PCNX1: variants seen among roughly 807,000 people sequenced by gnomAD.
PCNX1 encodes the protein pecanex 1.
A neutral mutation model predicts 242.2 loss-of-function variants in PCNX1; 78 were observed. The ratio of observed to expected loss-of-function variants is 0.32; its 90% confidence interval spans 0.27 to 0.39. The LOEUF (loss-of-function observed/expected upper bound fraction) is 0.39, where lower values mean the gene tolerates loss of function less well. Ranked by LOEUF, PCNX1 falls within the 10% of genes least tolerant of loss-of-function variation. The probability of loss-of-function intolerance (pLI) is 1.00; values close to 1 mark genes in which losing one functional copy is unlikely to be tolerated. For missense variants in PCNX1, 2,581 were observed against 2,856.5 expected (o/e 0.90, Z 2.20); for synonymous variants, 1,024 against 1,032.9 (o/e 0.99, Z 0.17).
chr14:70,950,806 AT>A (rs1002511111), intron 2 of PCNX1, among the ~76,000 whole-genome samples: 6 of 150,130 alleles, frequency 4.0e-5, no homozygotes, highest in East Asian at 1.9e-4. Context: ...CTATTGGTGG[AT>A]TTTTTTTTGC....
intron 16 of PCNX1, chr14:71,032,027 G>A (rs2060400445): frequency 1.2e-6 from 1 of 862,102 alleles, no homozygotes; most frequent in Non-Finnish European, 2.0e-6. Context: ...CACACAAGGA[G>A]TGGGTTTAAG....
At chr14:70,968,801 T>C (rs998747502) in intron 4 of PCNX1, among the ~76,000 whole-genome samples, 3 of 152,212 alleles carry the variant, frequency 2.0e-5, no homozygotes, top group Non-Finnish European at 2.9e-5. Flanking sequence ...CTTTCCACAT[T>C]GTTTGGTTTG....
chr14:71,086,709 C>T (rs777649847), intron 28 of PCNX1, among the ~76,000 whole-genome samples: 32 of 152,340 alleles, frequency 2.1e-4, no homozygotes, highest in Admixed American at 2.6e-4. Context: ...TCGCCTCCCT[C>T]TCTCAGTAGC....
chr14:71,063,176 G>A lies in PCNX1; in HGVS notation c.4852+5452G>A, dbSNP rs143900920. ...TATTTTTTCTCTAGCCAAAGGGTTG[G>A]CCTACTTATTCTGTTAGGAACCAGA... On this transcript the variant is annotated intron_variant, in intron 26 of 35. Transcript: ENST00000304743. Among the ~76,000 whole-genome samples the A allele has an allele frequency of 3.8e-4, 58 of 152,242 alleles. No individual in the cohort carries two copies. In the East Asian group the frequency reaches 9.6e-3, roughly 25 times the overall value.
intron 2 of PCNX1, among the ~76,000 whole-genome samples, chr14:70,952,394 TTCCTC>T (rs1290941051): frequency 6.6e-6 from 1 of 152,164 alleles, no homozygotes; most frequent in African/African-American, 2.4e-5. Context: ...CTTCATGACA[TTCCTC>T]TCCCATTTCA....
chr14:71,033,986 C>G lies in PCNX1; in HGVS notation c.3724C>G (p.Pro1242Ala). 6.2e-7 allele frequency: 1 copy of G among 1,609,358 alleles called. No homozygotes were observed. Among genetic ancestry groups the G allele is most frequent in the African/African-American group, 1.3e-5 (1 of 74,706 alleles). Residue 1242 changes from proline (P) to alanine (A), a missense_variant, in exon 18 of 36, where the codon CCT becomes GCT. Physicochemically the swap from Pro to Ala is conservative, Grantham distance 27. Coordinates refer to ENST00000304743, the MANE Select transcript of PCNX1 (RefSeq NM_014982.3). ...AACGGAAGAGAAAAATCCAGAAGACCCTCTATCTGAAGTAAAAGATCCACT... is the reference window on the plus strand; with the variant it reads ...AACGGAAGAGAAAAATCCAGAAGACGCTCTATCTGAAGTAAAAGATCCACT... ...PKTEEKNPEDPLSEVKDPLPE... is the reference protein window; with the variant it reads ...PKTEEKNPEDALSEVKDPLPE...
chr14:70,948,950 CAT>C (rs1305586910), intron 2 of PCNX1, among the ~76,000 whole-genome samples: 1 of 146,360 alleles, frequency 6.8e-6, no homozygotes, highest in Non-Finnish European at 1.5e-5. Flanking sequence ...TACATATACA[CAT>C]ACGTATATGT....
intron 10 of PCNX1, 99 bp from the exon 11 acceptor site, chr14:71,012,886 T>C (rs2059862071): frequency 1.2e-6 from 1 of 811,654 alleles, no homozygotes; most frequent in Admixed American, 2.0e-5. Flanking sequence ...GATAAGCTAA[T>C]TGAGTAACTG....
chr14:71,067,254 G>T (rs1029530914), intron 26 of PCNX1, among the ~76,000 whole-genome samples: 1 of 152,080 alleles, frequency 6.6e-6, no homozygotes, highest in Non-Finnish European at 1.5e-5. Flanking sequence ...GACTCTCTTT[G>T]GTTGGTAGGC....
intron 7 of PCNX1, among the ~76,000 whole-genome samples, chr14:70,994,046 A>G (rs1381530984): frequency 2.6e-5 from 4 of 152,204 alleles, no homozygotes; most frequent in African/African-American, 9.6e-5. Flanking sequence ...AAGGACTGAC[A>G]AGTCCACATT....
chr14:70,926,789 C>T (rs1343467325), intron 1 of PCNX1, among the ~76,000 whole-genome samples: 1 of 152,086 alleles, frequency 6.6e-6, no homozygotes, highest in Non-Finnish European at 1.5e-5. Context: ...ATATAAAGTA[C>T]AGATGTACAT....
chr14:70,934,969 A>G (rs139641532), intron 1 of PCNX1, among the ~76,000 whole-genome samples: 248 of 143,982 alleles, frequency 1.7e-3, no homozygotes, highest in African/African-American at 6.1e-3. Flanking sequence ...AGTAGAGAAT[A>G]AGTTTAAACT....
chr14:71,031,324 C>T (rs1323809965), intron 16 of PCNX1, among the ~76,000 whole-genome samples: 1 of 152,188 alleles, frequency 6.6e-6, no homozygotes, highest in Admixed American at 6.5e-5. Context: ...TGTGGGGGAC[C>T]CCAGGCCAAG....
intron 29 of PCNX1, 92 bp from the exon 30 acceptor site, chr14:71,089,100 C>A: frequency 2.1e-6 from 2 of 944,488 alleles, no homozygotes; most frequent in South Asian, 1.7e-5. Context: ...CAAAACACTC[C>A]CAGGTGATTC....
At position 71,033,978 on chromosome 14, in the gene PCNX1, C is replaced by T; in HGVS notation, c.3716C>T (p.Pro1239Leu). 6.2e-7 allele frequency: 1 copy of T among 1,608,620 alleles called. No homozygotes were observed. Among genetic ancestry groups the T allele is most frequent in the East Asian group, 2.2e-5 (1 of 44,648 alleles). Residue 1239 changes from proline (P) to leucine (L), a missense_variant, in exon 18 of 36, where the codon CCA (proline) becomes CTA (leucine). Around this residue, in one of 9 missense-constraint regions of PCNX1, gnomAD observed 432 missense variants for 443.1 expected, o/e 0.97. Coordinates refer to ENST00000304743, the MANE Select transcript of PCNX1 (RefSeq NM_014982.3). ...TTTCCAAAAACGGAAGAGAAAAATC[C>T]AGAAGACCCTCTATCTGAAGTAAAA... The part of the protein sequence containing the change: ...KIFPKTEEKN[P>L]EDPLSEVKDP...
rs77108543 is a variant in PCNX1, at chr14:71,094,647, T to C, written c.5589+5305T>C. Among the ~76,000 whole-genome samples, 850 of 152,282 alleles carry C rather than the reference T, an allele frequency of 5.6e-3. 4 individuals carry two copies. The highest frequency in any genetic ancestry group is 0.02 in the South Asian group (96 of 4,822). ...CTTTTTGGTAATTAAAACTGTTACG[T>C]TGGACGTGATGCCTCACGCCTGTAA... On this transcript the variant is annotated intron_variant, in intron 30 of 35. Coordinates refer to ENST00000304743, the MANE Select transcript of PCNX1 (RefSeq NM_014982.3).
At chr14:71,029,415 A>G (rs766934349) in intron 16 of PCNX1, among the ~76,000 whole-genome samples, 4 of 152,170 alleles carry the variant, frequency 2.6e-5, no homozygotes, top group African/African-American at 9.7e-5. Flanking sequence ...TGAAAGGACT[A>G]TGACAAGTGA....
Position 71,051,995 on chromosome 14 carries a change from C to T in PCNX1, c.4560C>T (p.Phe1520=), listed in dbSNP as rs369367255. 2 of 1,612,822 alleles carry T rather than the reference C, an allele frequency of 1.2e-6. No individual in the cohort carries two copies. Among genetic ancestry groups the T allele is most frequent in the Non-Finnish European group, 1.7e-6 (2 of 1,179,306 alleles). The change falls in exon 24 of 36, where the codon TTC becomes TTT. Residue 1520 remains phenylalanine (F), a synonymous_variant. Transcript: ENST00000304743. ...FITSYVRPVK[F]WERDYNTKRV... Reference sequence around the variant, plus strand: ...CTTCATATGTCCGACCTGTGAAATTCTGGGAGAGAGACTATAAGTGAGTAA... The same window carrying T: ...CTTCATATGTCCGACCTGTGAAATTTTGGGAGAGAGACTATAAGTGAGTAA...
chr14:71,030,167 C>T (rs1181668160), intron 16 of PCNX1, among the ~76,000 whole-genome samples: 1 of 152,132 alleles, frequency 6.6e-6, no homozygotes, highest in Non-Finnish European at 1.5e-5. Flanking sequence ...ATAGCAAGAA[C>T]AGCAATCTCC....
Sources: gnomAD v4.1 joint callset for allele counts (sites outside exome capture counted in the v4.1 genomes callset) on GRCh38, gnomAD v4.1.1 for gene constraint, gnomAD v4.1.1 regional missense constraint, MANE v1.5 for transcripts, NCBI Gene and HGNC (gene_info 2026-07-23, HGNC 2026-07-21) for gene names.